PDE1C: variants seen among roughly 807,000 people sequenced by gnomAD.
PDE1C encodes the protein phosphodiesterase 1C, also known as dual specificity calcium/calmodulin-dependent 3',5'-cyclic nucleotide phosphodiesterase 1C.
PDE1C carries 62 observed loss-of-function variants against 93.1 expected under a neutral mutation model. That is an observed-to-expected ratio of 0.67 (90% confidence interval 0.54 to 0.82). The LOEUF (loss-of-function observed/expected upper bound fraction) is 0.82, where lower values mean the gene tolerates loss of function less well. Among genes scored for constraint, PDE1C ranks in the 40% least tolerant of loss-of-function variants. The probability of loss-of-function intolerance (pLI) is 0.00; values close to 1 mark genes in which losing one functional copy is unlikely to be tolerated. For missense variants in PDE1C, 742 were observed against 884.6 expected (o/e 0.84, Z 2.04); for synonymous variants, 325 against 310.1 (o/e 1.05, Z -0.50).
At chr7:31,643,422 G>A in the PDE1C span, 318 of 1,613,954 alleles carry the variant, frequency 2.0e-4, 1 homozygote, top group Non-Finnish European at 5.8e-5. Flanking sequence ...CTGGTACTTT[G>A]GGTCAGATAC....
chr7:32,071,821 A>C (rs1477330285), upstream of PDE1C, among the ~76,000 whole-genome samples: 1 of 152,180 alleles, frequency 6.6e-6, no homozygotes, highest in Non-Finnish European at 1.5e-5. Context: ...GATGATTGCA[A>C]GCGACATCAC....
In PDE1C at chr7:31,823,387, T is replaced by C. The variant is rs148594352; in HGVS notation, c.1407-139A>G. 150 of 630,218 alleles carry C rather than the reference T, an allele frequency of 2.4e-4. 2 individuals carry two copies. In the East Asian group the frequency reaches 4.2e-3, roughly 18 times the overall value. The allele number at this position is 630,218 out of a possible 1,614,324, so 39.0% of individuals were successfully genotyped here. ...ATCTGGATCCTGAGGTTTATAATTA[T>C]TCTATTTTCCACATATGACCGGTGG... is the stretch of plus-strand genomic sequence containing the variant. On this transcript the variant is annotated intron_variant, in intron 13 of 17. Transcript: ENST00000396191.
intron 2 of PDE1C, among the ~76,000 whole-genome samples, chr7:32,011,570 A>T (rs1787119809): frequency 6.6e-6 from 1 of 152,218 alleles, no homozygotes; most frequent in African/African-American, 2.4e-5. Context: ...AAGTAAGCAC[A>T]TGGAAATACC....
intron 4 of PDE1C, among the ~76,000 whole-genome samples, chr7:31,878,592 A>G (rs1462425768): frequency 3.9e-5 from 6 of 152,180 alleles, no homozygotes; most frequent in African/African-American, 1.4e-4. Context: ...AGCTAATAAA[A>G]CTGAAGTGTC....
At chr7:32,208,296 T>C (rs1438135939) in intron 2 of PDE1C, among the ~76,000 whole-genome samples, 1 of 152,184 alleles carries the variant, frequency 6.6e-6, no homozygotes, top group Admixed American at 6.5e-5. Context: ...TAAGATTTAC[T>C]ATGGCACTGT....
chr7:31,742,073 GAACAAAGGAATGAATCAGTGGTATT>G, the PDE1C span, among the ~76,000 whole-genome samples: 1 of 152,188 alleles, frequency 6.6e-6, no homozygotes, highest in African/African-American at 2.4e-5. Flanking sequence ...CAATATTATT[GAACAAAGGAATGAATCAGTGGTATT>G]CTAGATCAGG....
At chr7:32,204,038 GTGCACT>G (rs1805227353) in intron 2 of PDE1C, among the ~76,000 whole-genome samples, 1 of 152,064 alleles carries the variant, frequency 6.6e-6, no homozygotes, top group East Asian at 1.9e-4. Flanking sequence ...TTTTTACTAA[GTGCACT>G]TAGAAATTGC....
intron 2 of PDE1C, among the ~76,000 whole-genome samples, chr7:31,978,149 A>G (rs1469476327): frequency 6.6e-6 from 1 of 152,202 alleles, no homozygotes; most frequent in African/African-American, 2.4e-5. Context: ...CTTCTGAAAA[A>G]GGTATCTGAC....
the PDE1C span, among the ~76,000 whole-genome samples, chr7:31,740,548 A>G: frequency 6.6e-6 from 1 of 152,252 alleles, no homozygotes; most frequent in African/African-American, 2.4e-5. Context: ...TTAAGCTGTC[A>G]GAATGCTAGA....
At chr7:31,716,336 T>C in the PDE1C span, among the ~76,000 whole-genome samples, 4 of 152,124 alleles carry the variant, frequency 2.6e-5, no homozygotes, top group Non-Finnish European at 5.9e-5. Flanking sequence ...AGGTAGAGAG[T>C]ACTAAGAGTT....
intron 1 of PDE1C, among the ~76,000 whole-genome samples, chr7:32,419,999 C>A (rs1290763781): frequency 6.8e-6 from 1 of 146,190 alleles, no homozygotes; most frequent in Non-Finnish European, 1.5e-5. Context: ...TGGAGGTGGG[C>A]AGATCACCTG....
At chr7:32,055,063 A>G (rs1229311264) in intron 1 of PDE1C, among the ~76,000 whole-genome samples, 5 of 152,220 alleles carry the variant, frequency 3.3e-5, no homozygotes, top group Non-Finnish European at 7.3e-5. Context: ...ATGATCTGTT[A>G]TTCTTATGGA....
In PDE1C at chr7:32,235,444, G is replaced by A. The variant is rs560881175; in HGVS notation, c.86-25905C>T. 6.6e-5 allele frequency among the ~76,000 whole-genome samples: 10 copies of A among 151,662 alleles called. No homozygotes were observed. The South Asian group carries it at 2.1e-3, about 32-fold the overall frequency. On this transcript the variant is annotated intron_variant, in intron 1 of 18. Coordinates refer to the PDE1C transcript ENST00000396193. ...AAAAAAAAACTCCTAGAACTAATGA[G>A]CAAGTTTAGTAAGGTCAGAGGATCT...
intron 3 of PDE1C, among the ~76,000 whole-genome samples, chr7:32,139,458 C>G (rs936632621): frequency 4.6e-5 from 7 of 152,022 alleles, no homozygotes; most frequent in African/African-American, 1.7e-4. Flanking sequence ...GAAGAAGTAT[C>G]CATATTTTAA....
chr7:31,640,111 G>A, the PDE1C span, among the ~76,000 whole-genome samples: 1 of 152,106 alleles, frequency 6.6e-6, no homozygotes, highest in African/African-American at 2.4e-5. Flanking sequence ...TTGCTTTTAA[G>A]GCTCATTAGG....
chr7:32,283,975 A>C (rs1384811237), intron 1 of PDE1C, among the ~76,000 whole-genome samples: 1 of 152,200 alleles, frequency 6.6e-6, no homozygotes, highest in Non-Finnish European at 1.5e-5. Context: ...ACCTTGATCA[A>C]CAGGGACCAG....
the PDE1C span, among the ~76,000 whole-genome samples, chr7:31,740,793 G>C: frequency 1.3e-5 from 2 of 152,148 alleles, no homozygotes; most frequent in African/African-American, 4.8e-5. Flanking sequence ...TTCAGGCCAG[G>C]CACGGTGGCT....
At chr7:31,665,446 A>G in the PDE1C span, among the ~76,000 whole-genome samples, 1 of 152,112 alleles carries the variant, frequency 6.6e-6, no homozygotes, top group South Asian at 2.1e-4. Context: ...TTCTTTCCAC[A>G]TTTTATCCCC....
At chr7:31,723,505 T>C in the PDE1C span, among the ~76,000 whole-genome samples, 1 of 152,184 alleles carries the variant, frequency 6.6e-6, no homozygotes, top group African/African-American at 2.4e-5. Context: ...ACTCAGTGCC[T>C]GTGAAAGTCC....
Sources: gnomAD v4.1 joint callset for allele counts (sites outside exome capture counted in the v4.1 genomes callset) on GRCh38, gnomAD v4.1.1 for gene constraint, MANE v1.5 for transcripts, NCBI Gene and HGNC (gene_info 2026-07-23, HGNC 2026-07-21) for gene names.